TRAPPC12: variants seen among roughly 807,000 people sequenced by gnomAD.
TRAPPC12 encodes the protein trafficking protein particle complex subunit 12.
In TRAPPC12, 61 loss-of-function variants were observed where a neutral mutation model predicts 69.2. That is an observed-to-expected ratio of 0.88 (90% CI 0.72 to 1.09). The LOEUF is 1.09. Among genes scored for constraint, TRAPPC12 ranks in the 50% least tolerant of loss-of-function variants. The pLI, the probability that TRAPPC12 is intolerant of heterozygous loss-of-function variation, is 0.00. For synonymous variants in TRAPPC12, 469 were observed against 438.9 expected, an observed-to-expected ratio of 1.07 and a Z score of -0.86; for missense variants, 1,101 against 1,016.4, an observed-to-expected ratio of 1.08 and a Z score of -1.13.
intron 3 of TRAPPC12, among the ~76,000 whole-genome samples, chr2:3,405,215 T>G (rs1018686058): frequency 6.6e-6 from 1 of 151,936 alleles, no homozygotes; most frequent in African/African-American, 2.4e-5. Context: ...TTTTACTATT[T>G]AAAAATTTGA....
At chr2:3,420,572 T>C (rs1416299494) in intron 3 of TRAPPC12, among the ~76,000 whole-genome samples, 1 of 152,154 alleles carries the variant, frequency 6.6e-6, no homozygotes, top group Non-Finnish European at 1.5e-5. Flanking sequence ...TGAGGCCACA[T>C]GTCAGAACCC....
chr2:3,414,536 CCT>C lies in TRAPPC12; in HGVS notation c.1165-7344_1165-7343del, dbSNP rs1662236552. Among the ~76,000 whole-genome samples, 1 of 151,920 alleles carries C rather than the reference CCT, an allele frequency of 6.6e-6. No individual in the cohort carries two copies. Among genetic ancestry groups the C allele is most frequent in the Non-Finnish European group, 1.5e-5 (1 of 67,970 alleles). ...AGCTCAGCCTCACCCCCACCATCCC[CCT>C]GACCCCATCCCCCAGCTGTCCCCGC... On this transcript the variant is annotated intron_variant, in intron 3 of 11. Coordinates refer to ENST00000324266, the MANE Select transcript of TRAPPC12 (RefSeq NM_016030.6). The surrounding 1 kb of genome is among the most constrained non-coding windows in gnomAD (Gnocchi z 4.9).
At chr2:3,441,071 A>G (rs890201888) in intron 5 of TRAPPC12, among the ~76,000 whole-genome samples, 2 of 151,966 alleles carry the variant, frequency 1.3e-5, no homozygotes, top group African/African-American at 4.8e-5. Context: ...TGTTGACTTC[A>G]GTTTTCTTAG....
At chr2:3,385,978 AC>A (rs767618167) in intron 1 of TRAPPC12, among the ~76,000 whole-genome samples, 4 of 152,256 alleles carry the variant, frequency 2.6e-5, no homozygotes, top group East Asian at 1.9e-4. Context: ...AGGAAAAAAA[AC>A]GTTTTACTCC....
In TRAPPC12 at chr2:3,388,185, G is replaced by A. The variant is rs764644442; in HGVS notation, c.562G>A (p.Ala188Thr). The A allele has an allele frequency of 4.4e-6, 7 of 1,608,466 alleles. No homozygotes were observed. Among genetic ancestry groups the A allele is most frequent in the Middle Eastern group, 1.6e-4 (1 of 6,064 alleles). ...GGTGAAGTCGCCCAGCTTCGGTGGC[G>A]CCAGCGAGGCCTCGGCCAGGACACC... The part of the protein sequence containing the change: ...QMVKSPSFGG[A>T]SEASARTPPQ... Residue 188 changes from alanine (A) to threonine (T), a missense_variant, in exon 2 of 12, where the codon GCC becomes ACC. Transcript: ENST00000324266.
At chr2:3,426,578 C>T (rs960203569) in intron 5 of TRAPPC12, among the ~76,000 whole-genome samples, 2 of 152,250 alleles carry the variant, frequency 1.3e-5, no homozygotes, top group Non-Finnish European at 2.9e-5. Flanking sequence ...CGGGAACTTG[C>T]TGAAGGGCCC....
At chr2:3,389,853 A>C (rs960164065) in intron 2 of TRAPPC12, 1 of 462,468 alleles carries the variant, frequency 2.2e-6, no homozygotes, top group African/African-American at 2.0e-5. Flanking sequence ...GTGGTCCCCC[A>C]CCGAAAGTCA....
chr2:3,429,450 C>T (rs1050338196), intron 5 of TRAPPC12, among the ~76,000 whole-genome samples: 3 of 152,208 alleles, frequency 2.0e-5, no homozygotes, highest in Non-Finnish European at 4.4e-5. Flanking sequence ...CTGTATCATG[C>T]ATCTCCAGGG....
chr2:3,438,506 C>G (rs1664006140), intron 5 of TRAPPC12, among the ~76,000 whole-genome samples: 1 of 142,196 alleles, frequency 7.0e-6, no homozygotes. Flanking sequence ...CCCGCCACCC[C>G]TGGATCAATC....
In TRAPPC12 at chr2:3,388,470, A is replaced by G; in HGVS notation, c.847A>G (p.Ile283Val). Residue 283 changes from isoleucine to valine, a missense_variant, in exon 2 of 12, where the codon ATC (isoleucine) becomes GTC (valine). Ile to Val is a conservative substitution (Grantham distance 29). Transcript: ENST00000324266. The stretch of plus-strand genomic sequence containing the variant: ...GGCGTCGCCAGAGCCTTTCGCGCAC[A>G]TCCAGGCAGTGTTTGCAGGGAGTGA... ...PPASPEPFAH[I>V]QAVFAGSDDP... 2 of 1,612,398 alleles carry G rather than the reference A, an allele frequency of 1.2e-6. No homozygotes were observed. Among genetic ancestry groups the G allele is most frequent in the Non-Finnish European group, 1.7e-6 (2 of 1,179,536 alleles).
chr2:3,388,576 G>T lies in TRAPPC12; in HGVS notation c.953G>T (p.Gly318Val), dbSNP rs764831301. 6.2e-7 allele frequency: 1 copy of T among 1,612,106 alleles called. No homozygotes were observed. The change falls in exon 2 of 12, where the codon GGA (glycine) becomes GTA (valine). Residue 318 changes from glycine to valine, a missense_variant. Transcript: ENST00000324266. ...DAWLPGEATR[G>V]VLRAVATQQR... is the part of the protein sequence containing the mutation. ...TGGCTTCCCGGCGAGGCTACGCGTG[G>T]AGTCCTGCGGGCCGTGGCCACCCAG...
At position 3,465,611 on chromosome 2, in the gene TRAPPC12, C is replaced by T. The variant is rs376938032; in HGVS notation, c.1692C>T (p.Ala564=). The part of the protein sequence containing the change: ...CLLLMKDYVL[A]VEAYHSVIKY... Reference sequence around the variant, plus strand: ...TCTTCCCACAGGATTATGTGCTGGCCGTGGAGGCGTATCATTCGGTTATCA... The same window carrying T: ...TCTTCCCACAGGATTATGTGCTGGCTGTGGAGGCGTATCATTCGGTTATCA... The change falls in exon 9 of 12, where the codon GCC becomes GCT. Residue 564 remains alanine (A), a synonymous_variant. Transcript: ENST00000324266. The T allele has an allele frequency of 1.9e-5, 30 of 1,613,530 alleles. No individual in the cohort carries two copies. The highest frequency in any genetic ancestry group is 1.2e-4 in the South Asian group (11 of 91,082).
rs1666346206 is a variant in TRAPPC12 at position 3,477,569 on chromosome 2, TG to T, written c.1777-125del. ...TATTAAAAAATGATTAAATGGTTACTGAAGTTTTCCTCTGCCTGACATATAA... is the reference window on the plus strand; with the variant it reads ...TATTAAAAAATGATTAAATGGTTACTAAGTTTTCCTCTGCCTGACATATAA... On this transcript the variant is annotated intron_variant, in intron 9 of 11. Coordinates refer to ENST00000324266, the MANE Select transcript of TRAPPC12 (RefSeq NM_016030.6). 4 of 521,890 alleles carry T rather than the reference TG, an allele frequency of 7.7e-6. No homozygotes were observed. In the East Asian group the frequency reaches 1.3e-4, roughly 16 times the overall value. 32.3% of individuals were successfully genotyped at this position (521,890 alleles called of 1,614,324 possible).
intron 7 of TRAPPC12, chr2:3,458,051 T>C: frequency 2.7e-6 from 1 of 363,696 alleles, no homozygotes; most frequent in Non-Finnish European, 3.1e-6. Flanking sequence ...GAGAGGCCTC[T>C]GCGTCGGGGA....
At chr2:3,466,296 A>C (rs1387484960) in intron 9 of TRAPPC12, 1 of 471,084 alleles carries the variant, frequency 2.1e-6, no homozygotes, top group South Asian at 1.5e-5. Flanking sequence ...CCTCAGTCTT[A>C]GGTCACGTCC....
chr2:3,412,909 C>T (rs563945032), intron 3 of TRAPPC12, among the ~76,000 whole-genome samples: 103 of 152,318 alleles, frequency 6.8e-4, no homozygotes, highest in African/African-American at 2.4e-3. Context: ...AAAGGCCCAA[C>T]TTAGCCGTGA....
At chr2:3,454,969 T>G (rs1213918168) in intron 6 of TRAPPC12, 2 of 152,406 alleles carry the variant, frequency 1.3e-5, no homozygotes, top group East Asian at 3.9e-4. Flanking sequence ...CCCAGACCCC[T>G]AGACCCCGCC....
rs763173732 is a variant in TRAPPC12, at chr2:3,460,266, C to G, written c.1607C>G (p.Ser536Cys). The G allele has an allele frequency of 1.1e-6, 1 of 873,566 alleles. No individual in the cohort carries two copies. Among genetic ancestry groups the G allele is most frequent in the Non-Finnish European group, 2.0e-6 (1 of 502,152 alleles). 54.1% of individuals were successfully genotyped at this position (873,566 alleles called of 1,614,324 possible). A position where few individuals can be genotyped will look rare whatever the true frequency, so the allele number is the denominator to read the frequency against. The stretch of plus-strand genomic sequence containing the variant: ...ACAGGCTGCTCTTACCTTGTAGCCT[C>G]TATCCGGCTGTGGAGGTCACGTCTG... ...SSVTQEGRQA[S>C]IRLWRSRLGR... The change falls in exon 8 of 12, where the codon TCT becomes TGT. Residue 536 changes from serine to cysteine, a missense_variant. Physicochemically the swap from Ser to Cys is moderately radical, Grantham distance 112 (BLOSUM62 -1). Transcript: ENST00000324266.
intron 6 of TRAPPC12, 71 bp from the exon 7 acceptor site, chr2:3,457,550 T>G (rs562852444): frequency 1.6e-6 from 2 of 1,262,276 alleles, no homozygotes; most frequent in African/African-American, 1.4e-5. Flanking sequence ...GTACTGAGAT[T>G]ATATTATAAC....
Sources: allele counts gnomAD v4.1 joint callset (sites outside exome capture counted in the v4.1 genomes callset), GRCh38; gene constraint gnomAD v4.1.1; non-coding constraint Gnocchi (gnomAD v3.1); transcripts MANE v1.5; gene names NCBI Gene and HGNC (gene_info 2026-07-23, HGNC 2026-07-21).